Variants in C17orf50 observed in about 807,000 individuals in gnomAD.
C17orf50 encodes uncharacterized protein C17orf50.
A neutral mutation model predicts 17.7 loss-of-function variants in C17orf50; 16 were observed. The ratio of observed to expected loss-of-function variants is 0.90; its 90% confidence interval spans 0.61 to 1.37. The LOEUF (loss-of-function observed/expected upper bound fraction) is 1.37. Among genes scored for constraint, C17orf50 ranks in the 40% most tolerant of loss-of-function variants. The probability of loss-of-function intolerance (pLI) is 0.00; values close to 1 mark genes in which losing one functional copy is unlikely to be tolerated. For synonymous variants in C17orf50, 125 were observed against 111.0 expected (o/e 1.13, Z -0.80); for missense variants, 271 against 240.7 (o/e 1.13, Z -0.83).
At chr17:35,761,702 C>T (rs1429108568) in intron 1 of C17orf50, among the ~76,000 whole-genome samples, 1 of 152,208 alleles carries the variant, frequency 6.6e-6, no homozygotes, top group Non-Finnish European at 1.5e-5. Flanking sequence ...TCAGAGGGAA[C>T]ATCCTAAAAC....
chr17:35,762,060 G>A (rs1555601632), intron 1 of C17orf50, among the ~76,000 whole-genome samples: 1 of 151,898 alleles, frequency 6.6e-6, no homozygotes, highest in Non-Finnish European at 1.5e-5. Context: ...GCGTGATCTC[G>A]GTAAACCACA....
In C17orf50 at chr17:35,764,310, C is replaced by T. The variant is rs1307717038; in HGVS notation, c.317C>T (p.Thr106Ile). ...LGPLALLGGL[T>I]APTDRKRSLP... ...CCCTTAGCGCTGCTGGGCGGCCTAA[C>T]AGCTCCCACCGACAGGTGCCTGCGC... Residue 106 changes from threonine (T) to isoleucine (I), a missense_variant, in exon 2 of 3, where the codon ACA (threonine) becomes ATA (isoleucine). By Grantham distance (89) the Thr-to-Ile change is moderately conservative. Transcript: ENST00000605587. 4 of 1,490,062 alleles carry T rather than the reference C, an allele frequency of 2.7e-6. No homozygotes were observed. The highest frequency in any genetic ancestry group is 2.9e-5 in the African/African-American group (2 of 69,374). The allele number at this position is 1,490,062 out of a possible 1,614,324, so 92.3% of individuals were successfully genotyped here.
Position 35,763,897 on chromosome 17 carries a change from AAAATAAAT to A in C17orf50, c.14-76_14-69del, listed in dbSNP as rs35027942. 6.3e-3 allele frequency: 4,100 copies of A among 654,224 alleles called. 85 individuals carry two copies. The highest frequency in any genetic ancestry group is 0.053 in the African/African-American group (2,577 of 48,648). 40.5% of individuals were successfully genotyped at this position (654,224 alleles called of 1,614,324 possible). On this transcript the variant is annotated intron_variant, in intron 1 of 2. Coordinates refer to ENST00000605587, the MANE Select transcript of C17orf50 (RefSeq NM_145272.4). Reference sequence around the variant, plus strand: ...GAGCTACAGAGAGAGACCCTGTCTCAAAATAAATAAATAAATAAATAAATAAATAAATA... The same window carrying A: ...GAGCTACAGAGAGAGACCCTGTCTCAAAATAAATAAATAAATAAATAAATA...
At position 35,764,186 on chromosome 17, in the gene C17orf50, C is replaced by T; in HGVS notation, c.193C>T (p.Arg65Trp). 1 of 1,548,230 alleles carries T rather than the reference C, an allele frequency of 6.5e-7. No individual in the cohort carries two copies. The highest frequency in any genetic ancestry group is 8.7e-7 in the Non-Finnish European group (1 of 1,146,620). Residue 65 changes from arginine (R) to tryptophan (W), a missense_variant, in exon 2 of 3, where the codon CGG becomes TGG. Transcript: ENST00000605587. ...RVAEEGEGRE[R>W]RSVSYCPLRQ... Reference sequence around the variant, plus strand: ...AGCGGAGGAGGGCGAAGGCCGCGAGCGGCGCTCAGTGTCCTACTGCCCGCT... The same window carrying T: ...AGCGGAGGAGGGCGAAGGCCGCGAGTGGCGCTCAGTGTCCTACTGCCCGCT...
At chr17:35,761,277 T>A (rs2085814947) in intron 1 of C17orf50, among the ~76,000 whole-genome samples, 1 of 151,378 alleles carries the variant, frequency 6.6e-6, no homozygotes, top group Non-Finnish European at 1.5e-5. Flanking sequence ...CTAATTTTTG[T>A]ATTTTGTATT....
intron 1 of C17orf50, among the ~76,000 whole-genome samples, chr17:35,763,144 A>AT (rs2085857842): frequency 6.7e-6 from 1 of 149,380 alleles, no homozygotes; most frequent in Admixed American, 6.7e-5. Context: ...AAAAAATGGG[A>AT]TCAGTAAGCC....
At chr17:35,761,638 T>G (rs2085823111) in intron 1 of C17orf50, among the ~76,000 whole-genome samples, 1 of 152,176 alleles carries the variant, frequency 6.6e-6, no homozygotes, top group African/African-American at 2.4e-5. Context: ...GACCTTTGTC[T>G]TCTCCGGCCT....
At chr17:35,764,384 A>T in intron 2 of C17orf50, 42 bp from the exon 3 acceptor site, 1 of 1,467,350 alleles carries the variant, frequency 6.8e-7, no homozygotes, top group Non-Finnish European at 9.0e-7. Flanking sequence ...CCCAGGGAGG[A>T]GGGGCTGCCC....
In C17orf50 at chr17:35,764,526, T is replaced by G. The variant is rs1429493643; in HGVS notation, c.433T>G (p.Cys145Gly). 2.2e-5 allele frequency: 35 copies of G among 1,599,564 alleles called. No homozygotes were observed. Among genetic ancestry groups the G allele is most frequent in the Non-Finnish European group, 3.0e-5 (35 of 1,175,672 alleles). Residue 145 changes from cysteine to glycine, a missense_variant, in exon 3 of 3, where the codon TGC (cysteine) becomes GGC (glycine). Transcript: ENST00000605587. ...CTGCGAGCTCCTCTTCTGCAAGAAA[T>G]GCAGGAGTCTGCACAGCCACCCAGC... ...ACCELLFCKK[C>G]RSLHSHPAYV...
chr17:35,764,471 AC>A lies in C17orf50; in HGVS notation c.379del (p.Arg127AspfsTer112), dbSNP rs782346397. The A allele has an allele frequency of 4.5e-6, 7 of 1,563,386 alleles. No individual in the cohort carries two copies. The highest frequency in any genetic ancestry group is 1.4e-5 in the African/African-American group (1 of 72,124). On this transcript the variant is annotated frameshift_variant, in exon 3 of 3. Transcript: ENST00000605587. LOFTEE classifies it high-confidence loss of function. ...EEPCVLEIRRRPPRRGGCACC... is the reference protein window; with the variant it reads ...EEPCVLEIRRXPPRRGGCACC... ...AGCCGTGCGTGCTGGAGATCCGGCG[AC>A]GACCGCCGCGCCGCGGGGGCTGTGC...
chr17:35,764,179 C>T lies in C17orf50; in HGVS notation c.186C>T (p.Gly62=). ...CGCGGGTAGCGGAGGAGGGCGAAGG[C>T]CGCGAGCGGCGCTCAGTGTCCTACT... ...EPPRVAEEGE[G]RERRSVSYCP... The change falls in exon 2 of 3, where the codon GGC becomes GGT. Residue 62 remains glycine, a synonymous_variant. Coordinates refer to ENST00000605587, the MANE Select transcript of C17orf50 (RefSeq NM_145272.4). 1.3e-6 allele frequency: 2 copies of T among 1,548,334 alleles called. No homozygotes were observed. The highest frequency in any genetic ancestry group is 2.1e-4 in the Middle Eastern group (1 of 4,814).
chr17:35,762,086 G>C (rs2085832145), intron 1 of C17orf50, among the ~76,000 whole-genome samples: 1 of 152,122 alleles, frequency 6.6e-6, no homozygotes, highest in Non-Finnish European at 1.5e-5. Context: ...CGACCCCTGG[G>C]TTCAAGCGAT....
Position 35,764,041 on chromosome 17 carries a change from A to G in C17orf50, c.48A>G (p.Glu16=), listed in dbSNP as rs1555602070. The G allele has an allele frequency of 1.9e-6, 3 of 1,548,334 alleles. No homozygotes were observed. In the South Asian group the frequency reaches 3.6e-5, roughly 19 times the overall value. ...VKTPLWKKET[E]ELRAEDAEQE... is the part of the protein sequence containing the mutation. ...CCCCCTTGTGGAAGAAGGAAACGGA[A>G]GAGCTCCGGGCCGAGGACGCGGAGC... Residue 16 remains glutamate, a synonymous_variant, in exon 2 of 3, where the codon GAA becomes GAG. Transcript: ENST00000605587.
Position 35,764,638 on chromosome 17 carries a change from T to G in C17orf50, c.*20T>G, listed in dbSNP as rs782271390. 1 of 1,552,718 alleles carries G rather than the reference T, an allele frequency of 6.4e-7. No individual in the cohort carries two copies. Among genetic ancestry groups the G allele is most frequent in the South Asian group, 1.2e-5 (1 of 82,624 alleles). On this transcript the variant is annotated 3_prime_UTR_variant, in exon 3 of 3. Transcript: ENST00000605587. ...TCCTGAGCGCCCCCGCTCCCAGCCT[T>G]TGTGCCCTCCATCATTTCCTGGCCC...
At chr17:35,762,433 C>T (rs1461487626) in intron 1 of C17orf50, among the ~76,000 whole-genome samples, 8 of 152,116 alleles carry the variant, frequency 5.3e-5, no homozygotes, top group African/African-American at 1.7e-4. Context: ...GCTGAATGGG[C>T]GGCGGACACC....
intron 1 of C17orf50, among the ~76,000 whole-genome samples, chr17:35,762,958 T>C (rs2085851681): frequency 2.0e-5 from 3 of 151,942 alleles, no homozygotes. Flanking sequence ...TGGTCTCTAC[T>C]AAAAATACAA....
chr17:35,761,044 C>G, intron 1 of C17orf50, 90 bp downstream of exon 1: 1 of 1,405,218 alleles, frequency 7.1e-7, no homozygotes. Flanking sequence ...GAAGTCCAAC[C>G]TTTTCTCAGT....
intron 1 of C17orf50, among the ~76,000 whole-genome samples, chr17:35,762,625 C>T (rs1213715076): frequency 6.6e-6 from 1 of 152,116 alleles, no homozygotes; most frequent in African/African-American, 2.4e-5. Flanking sequence ...CTAAGGACAG[C>T]CTTTTCCCAA....
At chr17:35,763,433 C>T (rs1172764554) in intron 1 of C17orf50, among the ~76,000 whole-genome samples, 1 of 147,474 alleles carries the variant, frequency 6.8e-6, no homozygotes, top group African/African-American at 2.5e-5. Context: ...CACCACCATG[C>T]CCAGCTTTTT....
Sources: gnomAD v4.1 joint callset for allele counts (sites outside exome capture counted in the v4.1 genomes callset) on GRCh38, gnomAD v4.1.1 for gene constraint, MANE v1.5 for transcripts, NCBI Gene and HGNC (gene_info 2026-07-23, HGNC 2026-07-21) for gene names.